The following SIPA1L3 variants were observed in gnomAD, a reference collection of about 807,000 sequenced individuals.
SIPA1L3 encodes the protein signal-induced proliferation-associated 1-like protein 3.
SIPA1L3 carries 59 observed loss-of-function variants against 150.1 expected under a neutral mutation model. The observed-to-expected ratio is 0.39, with a 90% confidence interval of 0.32 to 0.49. The LOEUF (loss-of-function observed/expected upper bound fraction) is 0.49. SIPA1L3 is among the 20% of genes least tolerant of loss of function. The pLI is 0.86. For missense variants in SIPA1L3, 2,211 were observed against 2,489.5 expected (o/e 0.89, Z 2.38); for synonymous variants, 1,070 against 1,077.6 (o/e 0.99, Z 0.14).
intron 1 of SIPA1L3, among the ~76,000 whole-genome samples, chr19:38,017,807 G>A (rs1287898002): frequency 6.6e-6 from 1 of 152,102 alleles, no homozygotes; most frequent in African/African-American, 2.4e-5. Flanking sequence ...TGGGATTACA[G>A]GCATAAACCA....
chr19:37,992,514 G>A (rs1291515477), intron 1 of SIPA1L3, among the ~76,000 whole-genome samples: 1 of 152,140 alleles, frequency 6.6e-6, no homozygotes, highest in East Asian at 1.9e-4. Context: ...TTCTGCACAT[G>A]GTGGCACATG....
intron 2 of SIPA1L3, among the ~76,000 whole-genome samples, chr19:38,057,315 T>C (rs922438828): frequency 3.3e-5 from 5 of 150,820 alleles, no homozygotes; most frequent in African/African-American, 1.2e-4. Flanking sequence ...TATATGTGTA[T>C]ACATATATAC....
At chr19:37,956,144 C>T (rs1376244519) in intron 1 of SIPA1L3, among the ~76,000 whole-genome samples, 6 of 152,154 alleles carry the variant, frequency 3.9e-5, no homozygotes, top group East Asian at 1.9e-4. Context: ...TGCGTGCCAC[C>T]GCCCCTGGCT....
intron 15 of SIPA1L3, among the ~76,000 whole-genome samples, chr19:38,169,055 T>C (rs1972268976): frequency 6.6e-6 from 1 of 152,046 alleles, no homozygotes; most frequent in Non-Finnish European, 1.5e-5. Context: ...AGATACCACC[T>C]TGGACAAGTT....
At chr19:38,179,454 T>TA (rs1972512528) in intron 15 of SIPA1L3, among the ~76,000 whole-genome samples, 1 of 152,022 alleles carries the variant, frequency 6.6e-6, no homozygotes, top group Non-Finnish European at 1.5e-5. Flanking sequence ...AAGTTAAAAA[T>TA]AAAAAATATA....
intron 18 of SIPA1L3, among the ~76,000 whole-genome samples, chr19:38,197,911 C>T (rs1327433527): frequency 2.6e-5 from 4 of 151,062 alleles, no homozygotes; most frequent in Non-Finnish European, 4.4e-5. Context: ...CACATGCACC[C>T]AGAGGGAGTC....
At chr19:37,953,693 C>A (rs1311912783) in intron 1 of SIPA1L3, among the ~76,000 whole-genome samples, 1 of 152,188 alleles carries the variant, frequency 6.6e-6, no homozygotes, top group Non-Finnish European at 1.5e-5. Flanking sequence ...GCTTTTGAGG[C>A]CCCTGAAAGC....
intron 1 of SIPA1L3, among the ~76,000 whole-genome samples, chr19:37,978,026 G>A (rs1967115119): frequency 6.6e-6 from 1 of 152,226 alleles, no homozygotes; most frequent in Non-Finnish European, 1.5e-5. Flanking sequence ...CCAGGATGAG[G>A]TTCAGAGGGG....
intron 12 of SIPA1L3, among the ~76,000 whole-genome samples, chr19:38,144,935 C>G (rs1467104579): frequency 6.6e-6 from 1 of 152,066 alleles, no homozygotes; most frequent in Non-Finnish European, 1.5e-5. Flanking sequence ...AAAAGTCATT[C>G]CAAACAGAGT....
chr19:38,150,663 CAAG>C (rs1971801614), intron 12 of SIPA1L3, among the ~76,000 whole-genome samples: 1 of 151,966 alleles, frequency 6.6e-6, no homozygotes, highest in Non-Finnish European at 1.5e-5. Flanking sequence ...CTCAGCCTCC[CAAG>C]TAGCTGGGAT....
chr19:37,970,723 A>G (rs889095633), intron 1 of SIPA1L3, among the ~76,000 whole-genome samples: 1 of 152,232 alleles, frequency 6.6e-6, no homozygotes, highest in Non-Finnish European at 1.5e-5. Flanking sequence ...TAGCTTCAGC[A>G]GTCATTGGGT....
intron 4 of SIPA1L3, among the ~76,000 whole-genome samples, chr19:38,092,674 A>G (rs1035079679): frequency 1.3e-5 from 2 of 152,082 alleles, no homozygotes; most frequent in Non-Finnish European, 2.9e-5. Context: ...TCCCAGCTCT[A>G]TGCTGGGCAT....
At chr19:37,991,096 G>A (rs1273936302) in intron 1 of SIPA1L3, among the ~76,000 whole-genome samples, 1 of 152,174 alleles carries the variant, frequency 6.6e-6, no homozygotes, top group Non-Finnish European at 1.5e-5. Flanking sequence ...GCAGGGCGTA[G>A]TGGCACGTGT....
At chr19:37,980,858 C>T (rs1300735968) in intron 1 of SIPA1L3, among the ~76,000 whole-genome samples, 1 of 152,322 alleles carries the variant, frequency 6.6e-6, no homozygotes, top group Middle Eastern at 3.4e-3. Context: ...CTGTGAGCTG[C>T]GCTCAAGAAG....
chr19:38,049,976 C>A (rs1969152882), intron 2 of SIPA1L3, among the ~76,000 whole-genome samples: 1 of 152,116 alleles, frequency 6.6e-6, no homozygotes, highest in Admixed American at 6.5e-5. Flanking sequence ...CCAGTCAGCA[C>A]AGGCATTGGA....
At chr19:38,057,865 T>C (rs956815323) in intron 2 of SIPA1L3, among the ~76,000 whole-genome samples, 3 of 152,004 alleles carry the variant, frequency 2.0e-5, no homozygotes, top group African/African-American at 4.8e-5. Context: ...GGTTTCACCA[T>C]GTTAGCCAGG....
chr19:38,094,267 G>C (rs1311369638), intron 4 of SIPA1L3, among the ~76,000 whole-genome samples: 3 of 152,052 alleles, frequency 2.0e-5, no homozygotes, highest in Non-Finnish European at 4.4e-5. Flanking sequence ...ATTTATTTTT[G>C]AGACAAGGTC....
At chr19:38,150,140 A>G (rs1032553360) in intron 12 of SIPA1L3, among the ~76,000 whole-genome samples, 2 of 152,176 alleles carry the variant, frequency 1.3e-5, no homozygotes, top group African/African-American at 2.4e-5. Context: ...GCCCTCAGAC[A>G]TTGAGAAAAG....
intron 4 of SIPA1L3, among the ~76,000 whole-genome samples, chr19:38,097,895 C>T (rs910767447): frequency 2.6e-5 from 4 of 152,210 alleles, no homozygotes; most frequent in Admixed American, 6.5e-5. Context: ...TCACCATACA[C>T]ATACCAAATA....
Sources: gnomAD v4.1 joint callset for allele counts (sites outside exome capture counted in the v4.1 genomes callset) on GRCh38, gnomAD v4.1.1 for gene constraint, MANE v1.5 for transcripts, NCBI Gene and HGNC (gene_info 2026-07-23, HGNC 2026-07-21) for gene names.